Variants in PLXNA1 observed in about 807,000 individuals in gnomAD.
PLXNA1 encodes plexin A1.
In PLXNA1, 77 loss-of-function variants were observed where a neutral mutation model predicts 191.7. The ratio of observed to expected loss-of-function variants is 0.40; its 90% CI spans 0.33 to 0.49. The LOEUF (loss-of-function observed/expected upper bound fraction) is 0.49, where lower values mean the gene tolerates loss of function less well. PLXNA1 is among the 20% of genes least tolerant of loss of function. The probability of loss-of-function intolerance (pLI) is 0.63; values close to 1 mark genes in which losing one functional copy is unlikely to be tolerated. For missense variants in PLXNA1, 2,110 were observed against 2,660.2 expected (o/e 0.79, Z 4.55); for synonymous variants, 1,137 against 1,156.4 (o/e 0.98, Z 0.34).
intron 3 of PLXNA1, among the ~76,000 whole-genome samples, chr3:126,998,054 A>G (rs1188577002): frequency 1.3e-5 from 2 of 152,146 alleles, no homozygotes; most frequent in Non-Finnish European, 1.5e-5. Context: ...TGCAGTGGGT[A>G]TGGAGGCTGG....
At chr3:126,995,405 G>C (rs1212485798) in intron 3 of PLXNA1, among the ~76,000 whole-genome samples, 1 of 152,136 alleles carries the variant, frequency 6.6e-6, no homozygotes, top group Admixed American at 6.5e-5. Flanking sequence ...CCATGGGAGG[G>C]GAGAGCACAG....
At chr3:127,010,434 G>A (rs984814776) in intron 9 of PLXNA1, among the ~76,000 whole-genome samples, 3 of 152,198 alleles carry the variant, frequency 2.0e-5, no homozygotes, top group Non-Finnish European at 4.4e-5. Flanking sequence ...TGGGTGCCGA[G>A]CTTCCTGGGT....
At chr3:126,991,622 G>A in intron 3 of PLXNA1, 56 bp downstream of exon 3, 1 of 1,492,058 alleles carries the variant, frequency 6.7e-7, no homozygotes, top group Non-Finnish European at 8.9e-7. Flanking sequence ...ACAAAGGCTT[G>A]CGGCCGTCCC....
intron 9 of PLXNA1, among the ~76,000 whole-genome samples, 192 bp from the exon 10 acceptor site, chr3:127,011,766 A>G (rs1032310602): frequency 8.5e-5 from 13 of 152,198 alleles, no homozygotes; most frequent in Non-Finnish European, 1.6e-4. Context: ...GCCAGAGGTA[A>G]TAGAGCCTGT....
intron 20 of PLXNA1, 104 bp from the exon 21 acceptor site, chr3:127,020,094 CAGTA>C: frequency 7.9e-6 from 11 of 1,392,782 alleles, no homozygotes; most frequent in Non-Finnish European, 1.1e-5. Context: ...ATCACGAAAC[CAGTA>C]AGTGTCAGAG....
intron 7 of PLXNA1, 125 bp downstream of exon 7, chr3:127,005,368 A>C: frequency 1.6e-6 from 2 of 1,249,320 alleles, no homozygotes; most frequent in Non-Finnish European, 2.2e-6. Flanking sequence ...CTGACAGCTG[A>C]TATGGGTGGG....
chr3:127,018,427 T>C lies in PLXNA1; in HGVS notation c.3794T>C (p.Ile1265Thr). The change falls in exon 20 of 32, where the codon ATC (isoleucine) becomes ACC (threonine). Residue 1265 changes from isoleucine to threonine, a missense_variant. Physicochemically the swap from Ile to Thr is moderately conservative, Grantham distance 89. Around this residue, in one of 4 missense-constraint regions of PLXNA1, gnomAD observed 559 missense variants for 911.5 expected, o/e 0.61. Coordinates refer to ENST00000393409, the MANE Select transcript of PLXNA1 (RefSeq NM_032242.4). ...LLLLVIVAVL[I>T]AYKRKSRDAD... is the part of the protein sequence containing the mutation. The stretch of plus-strand genomic sequence containing the variant: ...CTGCTGGTCATCGTGGCTGTGCTCA[T>C]CGCCTACAAGCGCAAGTCACGAGAT... The C allele has an allele frequency of 6.2e-7, 1 of 1,613,016 alleles. No individual in the cohort carries two copies. The highest frequency in any genetic ancestry group is 1.7e-5 in the Admixed American group (1 of 60,024).
At chr3:126,993,051 T>A (rs897862142) in intron 3 of PLXNA1, among the ~76,000 whole-genome samples, 4 of 152,144 alleles carry the variant, frequency 2.6e-5, no homozygotes, top group Admixed American at 6.5e-5. Flanking sequence ...CCTCTAGCCC[T>A]ACCCTGTTCC....
chr3:126,992,490 C>G (rs547405349), intron 3 of PLXNA1, among the ~76,000 whole-genome samples: 5 of 152,222 alleles, frequency 3.3e-5, no homozygotes, highest in African/African-American at 1.2e-4. Flanking sequence ...AGGAAGGGGG[C>G]CTCCCATCTC....
At chr3:127,019,715 T>C (rs531339754) in intron 20 of PLXNA1, among the ~76,000 whole-genome samples, 2 of 152,356 alleles carry the variant, frequency 1.3e-5, no homozygotes, top group South Asian at 4.1e-4. Context: ...TGTCAGGGCC[T>C]GCCTGCCTTT....
chr3:126,989,165 T>G lies in PLXNA1; in HGVS notation c.572T>G (p.Ile191Ser). The change falls in exon 2 of 32, where the codon ATC (isoleucine) becomes AGC (serine). Residue 191 changes from isoleucine (I) to serine (S), a missense_variant. Physicochemically the swap from Ile to Ser is moderately radical, Grantham distance 142. Transcript: ENST00000393409. ...GQAKLFVGTP[I>S]DGKSEYFPTL... ...GCCAAGCTCTTCGTGGGCACACCCA[T>G]CGATGGCAAGTCCGAGTACTTCCCC... The G allele has an allele frequency of 6.2e-7, 1 of 1,613,454 alleles. No individual in the cohort carries two copies. Among genetic ancestry groups the G allele is most frequent in the Non-Finnish European group, 8.5e-7 (1 of 1,180,046 alleles).
chr3:127,003,959 G>C (rs904884274), intron 4 of PLXNA1, among the ~76,000 whole-genome samples: 1 of 152,236 alleles, frequency 6.6e-6, no homozygotes, highest in African/African-American at 2.4e-5. Context: ...TTGAGTCCCT[G>C]GCCTGGCTTG....
chr3:127,003,046 G>A (rs762529816), intron 3 of PLXNA1, among the ~76,000 whole-genome samples: 1 of 151,964 alleles, frequency 6.6e-6, no homozygotes. Context: ...CTGGGCTGTG[G>A]TTGTCTCCAG....
intron 17 of PLXNA1, 46 bp downstream of exon 17, chr3:127,017,083 T>C (rs1233964150): frequency 6.6e-7 from 1 of 1,512,736 alleles, no homozygotes; most frequent in African/African-American, 1.4e-5. Flanking sequence ...GGCCTTCACC[T>C]GGGATGGGGC....
intron 3 of PLXNA1, among the ~76,000 whole-genome samples, chr3:126,995,006 C>T (rs1032423536): frequency 1.3e-5 from 2 of 152,094 alleles, no homozygotes; most frequent in East Asian, 3.9e-4. Flanking sequence ...CAGGGGCAGG[C>T]CTGCCAGGCT....
chr3:127,030,584 C>T (rs935869188), intron 29 of PLXNA1, among the ~76,000 whole-genome samples, 172 bp downstream of exon 29: 4 of 152,202 alleles, frequency 2.6e-5, no homozygotes, highest in Non-Finnish European at 5.9e-5. Context: ...TCCCTATCTG[C>T]CTGTGCCCCT....
intron 3 of PLXNA1, among the ~76,000 whole-genome samples, chr3:126,992,116 G>A (rs1394216695): frequency 6.6e-6 from 1 of 152,228 alleles, no homozygotes; most frequent in South Asian, 2.1e-4. Context: ...GCCCCACGGT[G>A]GCAGGGGGAG....
chr3:127,006,478 C>T (rs1005234786), intron 8 of PLXNA1, among the ~76,000 whole-genome samples: 1 of 152,214 alleles, frequency 6.6e-6, no homozygotes, highest in East Asian at 1.9e-4. Flanking sequence ...GCCTGCCCCA[C>T]AGGGATCTTG....
rs1485061978 is a variant in PLXNA1, at chr3:127,034,905, A to AGCCCCTGAGGGCG, written c.*898_*910dup. On this transcript the variant is annotated 3_prime_UTR_variant, in exon 32 of 32. Coordinates refer to ENST00000393409, the MANE Select transcript of PLXNA1 (RefSeq NM_032242.4). ...GGGTAGGCTGAGCTCCCCACCCTGG[A>AGCCCCTGAGGGCG]GCCCCTGAGGGCGGCCCCTGAGCAC... 15 of 152,758 alleles carry AGCCCCTGAGGGCG rather than the reference A, an allele frequency of 9.8e-5. No individual in the cohort carries two copies. The highest frequency in any genetic ancestry group is 1.3e-4 in the Admixed American group (2 of 15,294). The allele number at this position is 152,758 out of a possible 1,614,324, so 9.5% of individuals were successfully genotyped here. A position where few individuals can be genotyped will look rare whatever the true frequency, so the allele number is the denominator to read the frequency against.
Sources: allele counts gnomAD v4.1 joint callset (sites outside exome capture counted in the v4.1 genomes callset), GRCh38; gene constraint gnomAD v4.1.1; regional missense constraint gnomAD v4.1.1; transcripts MANE v1.5; gene names NCBI Gene and HGNC (gene_info 2026-07-23, HGNC 2026-07-21).